MATN2: variants seen among roughly 807,000 people sequenced by gnomAD.
The protein encoded by MATN2 is matrilin-2.
MATN2 carries 69 observed loss-of-function variants against 103.2 expected under a neutral mutation model. That is an observed-to-expected ratio of 0.67 (90% confidence interval 0.55 to 0.82). MATN2 has a LOEUF of 0.82. Among genes scored for constraint, MATN2 ranks in the 40% least tolerant of loss-of-function variants. The pLI, the probability that MATN2 is intolerant of heterozygous loss-of-function variation, is 0.00. For missense variants in MATN2, 1,023 were observed against 1,211.5 expected (o/e 0.84, Z 2.31); for synonymous variants, 429 against 450.2 (o/e 0.95, Z 0.60).
At chr8:97,915,490 G>C (rs1809592202) in intron 2 of MATN2, among the ~76,000 whole-genome samples, 1 of 152,202 alleles carries the variant, frequency 6.6e-6, no homozygotes, top group Admixed American at 6.5e-5. Flanking sequence ...TGCTGGCACA[G>C]GGCTGTGGAA....
At chr8:97,872,695 C>T (rs1817936333) in intron 1 of MATN2, among the ~76,000 whole-genome samples, 2 of 152,260 alleles carry the variant, frequency 1.3e-5, no homozygotes, top group South Asian at 2.1e-4. Context: ...CCCTTCTCCC[C>T]ATCCTGACTC....
At chr8:97,904,417 T>C (rs1369215434) in intron 2 of MATN2, among the ~76,000 whole-genome samples, 1 of 152,222 alleles carries the variant, frequency 6.6e-6, no homozygotes, top group Non-Finnish European at 1.5e-5. Flanking sequence ...TGTGTTTTAA[T>C]AGGGGACATG....
intron 4 of MATN2, among the ~76,000 whole-genome samples, chr8:97,957,486 C>T (rs529638401): frequency 2.0e-5 from 3 of 152,174 alleles, no homozygotes; most frequent in South Asian, 2.1e-4. Flanking sequence ...ACAAATCGCT[C>T]GTGGCCATAA....
intron 2 of MATN2, among the ~76,000 whole-genome samples, chr8:97,915,580 C>A (rs10101619): frequency 6.6e-6 from 1 of 152,208 alleles, no homozygotes; most frequent in African/African-American, 2.4e-5. Flanking sequence ...GGGAAAGGCC[C>A]TGAGGCGCTG....
rs113398442 is a variant in MATN2 at position 98,036,015 on chromosome 8, T to C, written c.*303T>C. 8.4e-4 allele frequency: 212 copies of C among 251,644 alleles called. 1 individual carries two copies. Among genetic ancestry groups the C allele is most frequent in the African/African-American group, 4.4e-3 (198 of 45,242 alleles). The allele number at this position is 251,644 out of a possible 1,614,324, so 15.6% of individuals were successfully genotyped here. On this transcript the variant is annotated 3_prime_UTR_variant, in exon 19 of 19. Transcript: ENST00000254898. Reference sequence around the variant, plus strand: ...TTGCTTCTGCCTCATCCTGCCTTAGTGTGCAATCTCATTTGACTATACGAT... The same window carrying C: ...TTGCTTCTGCCTCATCCTGCCTTAGCGTGCAATCTCATTTGACTATACGAT...
chr8:97,917,906 G>A (rs868221241), intron 2 of MATN2, among the ~76,000 whole-genome samples: 21 of 152,088 alleles, frequency 1.4e-4, no homozygotes, highest in African/African-American at 3.9e-4. Flanking sequence ...GCAACATGGC[G>A]AAACCCTGTC....
chr8:97,993,701 T>G (rs1366539674), intron 6 of MATN2, among the ~76,000 whole-genome samples: 6 of 152,328 alleles, frequency 3.9e-5, no homozygotes, highest in Non-Finnish European at 8.8e-5. Context: ...ACTCAGAGTA[T>G]TTATGCCTTT....
At chr8:97,944,468 CT>C (rs1310906643) in intron 4 of MATN2, among the ~76,000 whole-genome samples, 3 of 152,188 alleles carry the variant, frequency 2.0e-5, no homozygotes, top group Non-Finnish European at 4.4e-5. Flanking sequence ...AACTCTTTTG[CT>C]TTCCCAAAAT....
intron 2 of MATN2, among the ~76,000 whole-genome samples, chr8:97,905,520 T>G (rs1819138311): frequency 6.6e-6 from 1 of 152,232 alleles, no homozygotes; most frequent in South Asian, 2.1e-4. Context: ...GCTTAGTGTT[T>G]TCAAGGTTCA....
chr8:97,939,831 A>T (rs996982247), intron 3 of MATN2, among the ~76,000 whole-genome samples: 1 of 152,232 alleles, frequency 6.6e-6, no homozygotes, highest in African/African-American at 2.4e-5. Flanking sequence ...ATGTCTTCAC[A>T]GTTTGATATC....
chr8:97,887,292 T>C (rs57831603), intron 1 of MATN2, among the ~76,000 whole-genome samples: 2,083 of 152,240 alleles, frequency 0.014, 51 homozygotes, highest in African/African-American at 0.048. Context: ...AAGCAATCCT[T>C]CTATCTAGGC....
chr8:98,027,496 A>AAG lies in MATN2; in HGVS notation c.2024_2025dup (p.Gln676SerfsTer8). On this transcript the variant is annotated frameshift_variant, in exon 14 of 19. Transcript: ENST00000254898. LOFTEE classifies it high-confidence loss of function. ...TGGAGAAGAGAATTTTGAGGTCGTG[A>AAG]AGCAGTTTGTCACTGGAATTATAGA... is the stretch of plus-strand genomic sequence containing the variant. 6.2e-7 allele frequency: 1 copy of AAG among 1,613,910 alleles called. No individual in the cohort carries two copies. The highest frequency in any genetic ancestry group is 2.2e-5 in the East Asian group (1 of 44,862).
At chr8:97,960,666 T>A (rs1811282058) in intron 4 of MATN2, among the ~76,000 whole-genome samples, 1 of 152,214 alleles carries the variant, frequency 6.6e-6, no homozygotes, top group Non-Finnish European at 1.5e-5. Context: ...CCTCGTTTGT[T>A]ATTAGAATGA....
At chr8:97,961,366 G>A in intron 4 of MATN2, 42 bp from the exon 5 acceptor site, 1 of 1,561,720 alleles carries the variant, frequency 6.4e-7, no homozygotes, top group Non-Finnish European at 8.7e-7. Context: ...GCATTCTCAG[G>A]TGTGCCTGAC....
At chr8:97,893,822 C>T (rs1225664954) in intron 2 of MATN2, among the ~76,000 whole-genome samples, 5 of 152,098 alleles carry the variant, frequency 3.3e-5, no homozygotes, top group Admixed American at 2.0e-4. Flanking sequence ...GGATTACTGG[C>T]GTGAGCCGCC....
At chr8:98,032,427 T>C in intron 16 of MATN2, 110 bp downstream of exon 16, 1 of 785,258 alleles carries the variant, frequency 1.3e-6, no homozygotes, top group Non-Finnish European at 2.1e-6. Context: ...ATTATGATAA[T>C]GAAGGCCTTT....
chr8:97,967,077 T>C lies in MATN2; in HGVS notation c.958+5547T>C, dbSNP rs114727037. Among the ~76,000 whole-genome samples, 368 of 152,182 alleles carry C rather than the reference T, an allele frequency of 2.4e-3. 2 individuals are homozygous for C. Among genetic ancestry groups the C allele is most frequent in the African/African-American group, 8.5e-3 (353 of 41,504 alleles). On this transcript the variant is annotated intron_variant, in intron 5 of 18. Coordinates refer to ENST00000254898, the MANE Select transcript of MATN2 (RefSeq NM_002380.5). The stretch of plus-strand genomic sequence containing the variant: ...AGGTAGGGGGAGGTGACACACTCTT[T>C]TCAGACCAACCAAATCTCACATGAA...
chr8:97,886,712 C>A (rs77858566), intron 1 of MATN2, among the ~76,000 whole-genome samples: 1 of 152,038 alleles, frequency 6.6e-6, no homozygotes, highest in Admixed American at 6.6e-5. Context: ...ACAAACAGTT[C>A]GCTGAAATAG....
chr8:97,978,728 G>A (rs956463598), intron 5 of MATN2, among the ~76,000 whole-genome samples, 158 bp from the exon 6 acceptor site: 8 of 151,878 alleles, frequency 5.3e-5, no homozygotes, highest in African/African-American at 1.9e-4. Context: ...TTTTTTTTGA[G>A]GGGGGCAGAG....
Sources: allele counts gnomAD v4.1 joint callset (sites outside exome capture counted in the v4.1 genomes callset), GRCh38; gene constraint gnomAD v4.1.1; transcripts MANE v1.5; gene names NCBI Gene and HGNC (gene_info 2026-07-23, HGNC 2026-07-21).